The following GLMN variants were observed in gnomAD, a reference collection of about 807,000 sequenced individuals.
GLMN encodes the protein glomulin.
A neutral mutation model predicts 87.8 loss-of-function variants in GLMN; 75 were observed. The observed-to-expected ratio is 0.85, with a 90% CI of 0.71 to 1.04. The LOEUF (loss-of-function observed/expected upper bound fraction) is 1.04. Among genes scored for constraint, GLMN ranks in the 50% least tolerant of loss-of-function variants. GLMN has a pLI of 0.00. For missense variants in GLMN, 588 were observed against 658.8 expected (o/e 0.89, Z 1.18); for synonymous variants, 206 against 221.6 (o/e 0.93, Z 0.63).
At chr1:92,364,953 GC>G in the GLMN span, among the ~76,000 whole-genome samples, 2 of 152,116 alleles carry the variant, frequency 1.3e-5, no homozygotes, top group Non-Finnish European at 2.9e-5. Context: ...TTCAGAAGTG[GC>G]CCCAACTTAC....
chr1:92,296,632 C>G (rs1050639272), intron 3 of GLMN, among the ~76,000 whole-genome samples: 1 of 152,160 alleles, frequency 6.6e-6, no homozygotes, highest in African/African-American at 2.4e-5. Flanking sequence ...TAGCCGTCTT[C>G]CTTATAAGGA....
intron 7 of GLMN, among the ~76,000 whole-genome samples, chr1:92,274,493 ACT>A (rs1026390430): frequency 5.9e-5 from 9 of 152,100 alleles, no homozygotes; most frequent in African/African-American, 1.7e-4. Context: ...TTCACTGAAG[ACT>A]CTGGCACCTT....
chr1:92,298,263 C>T (rs1650386767), intron 1 of GLMN, among the ~76,000 whole-genome samples: 1 of 151,416 alleles, frequency 6.6e-6, no homozygotes, highest in Admixed American at 6.6e-5. Flanking sequence ...TTTTAGAAGC[C>T]CTTATTGCAT....
chr1:92,302,022 T>C (rs1358464106), upstream of GLMN, among the ~76,000 whole-genome samples: 1 of 152,168 alleles, frequency 6.6e-6, no homozygotes, highest in Non-Finnish European at 1.5e-5. Context: ...CAATGGCTCA[T>C]GTAATCCCAG....
the GLMN span, among the ~76,000 whole-genome samples, chr1:92,361,096 T>C: frequency 3.9e-5 from 4 of 102,272 alleles, no homozygotes; most frequent in Admixed American, 1.2e-4. Context: ...ATATATAATA[T>C]ATATATACAC....
chr1:92,305,943 C>T, the GLMN span, among the ~76,000 whole-genome samples: 1 of 151,870 alleles, frequency 6.6e-6, no homozygotes, highest in African/African-American at 2.4e-5. Context: ...TGGTATAAAC[C>T]CTAAAAAAAT....
intron 18 of GLMN, 65 bp from the exon 19 acceptor site, chr1:92,246,711 G>C: frequency 4.8e-6 from 4 of 836,810 alleles, no homozygotes; most frequent in Non-Finnish European, 6.3e-6. Context: ...GCAAAACACA[G>C]AAAAGATTTC....
chr1:92,247,708 G>A (rs1303021264), intron 17 of GLMN, among the ~76,000 whole-genome samples, 170 bp downstream of exon 17: 1 of 151,998 alleles, frequency 6.6e-6, no homozygotes, highest in African/African-American at 2.4e-5. Context: ...CCCGATTTTA[G>A]GTAAATTAGC....
chr1:92,293,745 G>A (rs1649697663), intron 3 of GLMN, among the ~76,000 whole-genome samples: 2 of 152,096 alleles, frequency 1.3e-5, no homozygotes, highest in South Asian at 4.1e-4. Context: ...AGAAAATGTG[G>A]TACACATACA....
At chr1:92,370,792 T>A in the GLMN span, among the ~76,000 whole-genome samples, 1 of 152,138 alleles carries the variant, frequency 6.6e-6, no homozygotes, top group Non-Finnish European at 1.5e-5. Context: ...CCAAAACAGT[T>A]GAGTCTTCAT....
intron 5 of GLMN, among the ~76,000 whole-genome samples, chr1:92,289,366 T>C (rs1196900131): frequency 6.6e-6 from 1 of 152,230 alleles, no homozygotes; most frequent in Non-Finnish European, 1.5e-5. Flanking sequence ...AGGTTATGTT[T>C]ATAACAGACT....
At chr1:92,354,886 T>A in the GLMN span, among the ~76,000 whole-genome samples, 36 of 148,546 alleles carry the variant, frequency 2.4e-4, no homozygotes, top group East Asian at 3.9e-3. Flanking sequence ...TTTTAATTTA[T>A]GTAAATTATT....
At chr1:92,331,383 CTCTT>C in the GLMN span, among the ~76,000 whole-genome samples, 2 of 152,166 alleles carry the variant, frequency 1.3e-5, no homozygotes, top group South Asian at 2.1e-4. Context: ...CATCTCACTC[CTCTT>C]TCTATGTGTC....
At chr1:92,304,009 TG>T in the GLMN span, 8 of 1,613,026 alleles carry the variant, frequency 5.0e-6, no homozygotes, top group Non-Finnish European at 6.8e-6. Flanking sequence ...ACTACAGTGA[TG>T]TCGTGGATGA....
intron 7 of GLMN, among the ~76,000 whole-genome samples, chr1:92,283,212 G>A (rs953887111): frequency 5.3e-5 from 8 of 152,088 alleles, no homozygotes; most frequent in African/African-American, 9.7e-5. Context: ...GATGAACATC[G>A]ATGAGAAAAT....
At chr1:92,362,478 C>T in the GLMN span, among the ~76,000 whole-genome samples, 48 of 152,258 alleles carry the variant, frequency 3.2e-4, no homozygotes, top group South Asian at 9.7e-3. Flanking sequence ...TTTGTGTTGT[C>T]CCACCATTCG....
At chr1:92,336,789 T>C in the GLMN span, among the ~76,000 whole-genome samples, 3 of 152,038 alleles carry the variant, frequency 2.0e-5, no homozygotes, top group East Asian at 3.9e-4. Flanking sequence ...AAAAGAAACA[T>C]AGTGCCACCC....
chr1:92,300,164 A>G, upstream of GLMN: 1 of 1,529,370 alleles, frequency 6.5e-7, no homozygotes, highest in Non-Finnish European at 9.0e-7. Flanking sequence ...AAATGTCATT[A>G]TGTAGCACAT....
chr1:92,273,010 C>A (rs1484182555), intron 7 of GLMN, among the ~76,000 whole-genome samples: 1 of 152,120 alleles, frequency 6.6e-6, no homozygotes, highest in African/African-American at 2.4e-5. Context: ...CAACAAACTA[C>A]AAGAGTTAAA....
Sources: gnomAD v4.1 joint callset for allele counts (sites outside exome capture counted in the v4.1 genomes callset) on GRCh38, gnomAD v4.1.1 for gene constraint, MANE v1.5 for transcripts, NCBI Gene and HGNC (gene_info 2026-07-23, HGNC 2026-07-21) for gene names.